The following MEIS2 variants were observed in gnomAD, a reference collection of about 807,000 sequenced individuals.
The protein encoded by MEIS2 is homeobox protein Meis2.
In MEIS2, 9 loss-of-function variants were observed where a neutral mutation model predicts 58.6. The observed-to-expected ratio is 0.15, with a 90% CI of 0.09 to 0.27. MEIS2 has a LOEUF of 0.27. MEIS2 is among the 10% of genes least tolerant of loss of function. The pLI is 1.00. For synonymous variants in MEIS2, 221 were observed against 228.4 expected, an observed-to-expected ratio of 0.97 and a Z score of 0.29; for missense variants, 427 against 635.0, an observed-to-expected ratio of 0.67 and a Z score of 3.52.
At chr15:36,912,569 T>G (rs1291002412) in intron 9 of MEIS2, among the ~76,000 whole-genome samples, 1 of 152,202 alleles carries the variant, frequency 6.6e-6, no homozygotes, top group African/African-American at 2.4e-5. Context: ...CTTTCTTTTT[T>G]GAACACCAGA....
chr15:36,953,501 T>C (rs773779855), intron 8 of MEIS2, among the ~76,000 whole-genome samples: 24 of 152,344 alleles, frequency 1.6e-4, no homozygotes, highest in South Asian at 4.1e-4. Context: ...CAACCCACTC[T>C]AGTCCAGTGG....
At chr15:37,028,144 G>A (rs1316927460) in intron 8 of MEIS2, among the ~76,000 whole-genome samples, 3 of 152,176 alleles carry the variant, frequency 2.0e-5, no homozygotes, top group Admixed American at 1.3e-4. Flanking sequence ...TAATCTGGGA[G>A]GTAAGTTTCT....
chr15:37,068,687 T>A lies in MEIS2; in HGVS notation c.754+15084A>T, dbSNP rs144377614. On this transcript the variant is annotated intron_variant, in intron 7 of 11. Coordinates refer to ENST00000561208, the MANE Select transcript of MEIS2 (RefSeq NM_170675.5). ...CTACTGGCAAGTGTACCATAAAAAC[T>A]AAGCAAATGTTACTAGACAACATGA... 4.9e-4 allele frequency among the ~76,000 whole-genome samples: 75 copies of A among 152,322 alleles called. 1 individual carries two copies. The highest frequency in any genetic ancestry group is 1.6e-3 in the African/African-American group (68 of 41,578).
At chr15:36,940,773 G>A (rs1595770105) in intron 9 of MEIS2, among the ~76,000 whole-genome samples, 1 of 152,166 alleles carries the variant, frequency 6.6e-6, no homozygotes, top group Non-Finnish European at 1.5e-5. Flanking sequence ...AGCTGACAAA[G>A]TGCATTGGGG....
chr15:36,990,844 T>C (rs117823089), intron 8 of MEIS2, among the ~76,000 whole-genome samples: 3,499 of 152,168 alleles, frequency 0.023, 68 homozygotes, highest in Non-Finnish European at 0.032. Flanking sequence ...TTGAGAGCTA[T>C]TAGATAAATT....
chr15:36,913,880 G>A (rs12440797), intron 9 of MEIS2, among the ~76,000 whole-genome samples: 3,524 of 152,214 alleles, frequency 0.023, 129 homozygotes, highest in East Asian at 0.13. Flanking sequence ...GCTGGGATCC[G>A]CCATCTTGTT....
At chr15:37,003,742 AG>A (rs1340372920) in intron 8 of MEIS2, among the ~76,000 whole-genome samples, 1 of 152,180 alleles carries the variant, frequency 6.6e-6, no homozygotes, top group Non-Finnish European at 1.5e-5. Context: ...CCCCAATGTG[AG>A]GATATTAGGA....
intron 9 of MEIS2, among the ~76,000 whole-genome samples, chr15:36,939,570 G>T (rs781372491): frequency 6.6e-6 from 1 of 151,424 alleles, no homozygotes; most frequent in Non-Finnish European, 1.5e-5. Context: ...ATTTGTTAAT[G>T]ATTTACTGGT....
chr15:36,978,247 A>G (rs899840593), intron 8 of MEIS2, among the ~76,000 whole-genome samples: 9 of 152,268 alleles, frequency 5.9e-5, no homozygotes, highest in Non-Finnish European at 1.2e-4. Context: ...CCTTTTGTTA[A>G]GTGCACAGTA....
chr15:37,084,030 G>A, intron 6 of MEIS2, 145 bp from the exon 7 acceptor site: 1 of 628,768 alleles, frequency 1.6e-6, no homozygotes, highest in South Asian at 2.0e-5. Flanking sequence ...CCATGTTATG[G>A]TGTGCTGTCT....
At chr15:36,997,911 G>A (rs1266435254) in intron 8 of MEIS2, among the ~76,000 whole-genome samples, 1 of 152,170 alleles carries the variant, frequency 6.6e-6, no homozygotes, top group East Asian at 1.9e-4. Flanking sequence ...ACAAAGTGCT[G>A]ACCGAGGTCA....
At position 36,916,430 on chromosome 15, in the gene MEIS2, T is replaced by TA. The variant is rs58199968; in HGVS notation, c.978-19745dup. Reference sequence around the variant, plus strand: ...TGATGGAGCGAGACTCCATCTCAATTAAAAAAAAAAAAAAAAAAAGAGACA... The same window carrying TA: ...TGATGGAGCGAGACTCCATCTCAATTAAAAAAAAAAAAAAAAAAAAGAGACA... On this transcript the variant is annotated intron_variant, in intron 9 of 11. Transcript: ENST00000561208. Among the ~76,000 whole-genome samples, 1,127 of 121,518 alleles carry TA rather than the reference T, an allele frequency of 9.3e-3. 9 individuals carry two copies. The highest frequency in any genetic ancestry group is 0.029 in the African/African-American group (945 of 32,534). The allele number at this position is 121,518 out of a possible 152,430, so 79.7% of individuals were successfully genotyped here.
chr15:37,097,988 C>G lies in MEIS2; in HGVS notation c.224G>C (p.Arg75Pro). 6.2e-7 allele frequency: 1 copy of G among 1,605,922 alleles called. No individual in the cohort carries two copies. The highest frequency in any genetic ancestry group is 1.1e-5 in the South Asian group (1 of 90,088). The change falls in exon 2 of 12, where the codon CGG becomes CCG. Residue 75 changes from arginine (R) to proline (P), a missense_variant. This residue lies in a region of MEIS2 where 138 missense variants were observed against 263.0 expected (regional missense o/e 0.52). Coordinates refer to ENST00000561208, the MANE Select transcript of MEIS2 (RefSeq NM_170675.5). ...MGSAVNDALK[R>P]DKDAIYGHPL... ...TTACCCATAGATCGCGTCCTTGTCCCGCTTCAAGGCGTCGTTGACAGCGGA... is the reference window on the plus strand; with the variant it reads ...TTACCCATAGATCGCGTCCTTGTCCGGCTTCAAGGCGTCGTTGACAGCGGA...
intron 7 of MEIS2, among the ~76,000 whole-genome samples, chr15:37,050,559 G>T (rs944750884): frequency 6.6e-6 from 1 of 152,118 alleles, no homozygotes; most frequent in Non-Finnish European, 1.5e-5. Flanking sequence ...GAGAACAGGG[G>T]CCCTAAATTA....
chr15:36,970,261 A>T lies in MEIS2; in HGVS notation c.901-19861T>A, dbSNP rs547365918. On this transcript the variant is annotated intron_variant, in intron 8 of 11. Transcript: ENST00000561208. Reference sequence around the variant, plus strand: ...TACTAAAAATACAAAAAAATTAGCCAGGCGTGGTGGCGGGCGCCTGTAGTC... The same window carrying T: ...TACTAAAAATACAAAAAAATTAGCCTGGCGTGGTGGCGGGCGCCTGTAGTC... Among the ~76,000 whole-genome samples the T allele has an allele frequency of 3.9e-5, 6 of 151,944 alleles. No individual in the cohort carries two copies. In the East Asian group the frequency reaches 7.8e-4, roughly 20 times the overall value.
intron 7 of MEIS2, among the ~76,000 whole-genome samples, chr15:37,044,778 G>C (rs1381146371): frequency 1.3e-5 from 2 of 152,042 alleles, no homozygotes; most frequent in Admixed American, 6.5e-5. Context: ...TTTTCTTCTT[G>C]CAATTTATCT....
intron 8 of MEIS2, among the ~76,000 whole-genome samples, chr15:37,014,333 A>G (rs983704526): frequency 1.3e-5 from 2 of 152,206 alleles, no homozygotes; most frequent in Non-Finnish European, 2.9e-5. Flanking sequence ...CTAAGTGTGG[A>G]TGCAGTACTA....
chr15:36,934,016 A>T (rs184089372), intron 9 of MEIS2, among the ~76,000 whole-genome samples: 1 of 152,206 alleles, frequency 6.6e-6, no homozygotes, highest in Non-Finnish European at 1.5e-5. Context: ...TGCATATCAC[A>T]TAAATGCATT....
chr15:36,921,422 C>A (rs2057502199), intron 9 of MEIS2, among the ~76,000 whole-genome samples: 1 of 152,196 alleles, frequency 6.6e-6, no homozygotes, highest in Non-Finnish European at 1.5e-5. Context: ...TTTCCTGATA[C>A]CGTATGCTAT....
Sources: allele counts gnomAD v4.1 joint callset (sites outside exome capture counted in the v4.1 genomes callset), GRCh38; gene constraint gnomAD v4.1.1; regional missense constraint gnomAD v4.1.1; transcripts MANE v1.5; gene names NCBI Gene and HGNC (gene_info 2026-07-23, HGNC 2026-07-21).